DNAH6: variants seen among roughly 807,000 people sequenced by gnomAD.
DNAH6 encodes axonemal beta dynein heavy chain 6.
Under a neutral mutation model 491.4 loss-of-function variants are expected in DNAH6, and 340 were observed. The observed-to-expected ratio is 0.69, with a 90% confidence interval of 0.63 to 0.76. DNAH6 has a LOEUF of 0.76. Among genes scored for constraint, DNAH6 ranks in the 30% least tolerant of loss-of-function variants. The probability of loss-of-function intolerance (pLI) is 0.00; values close to 1 mark genes in which losing one functional copy is unlikely to be tolerated. For missense variants in DNAH6, 4,443 were observed against 4,972.2 expected, an observed-to-expected ratio of 0.89 and a Z score of 3.20; for synonymous variants, 1,603 against 1,686.1, an observed-to-expected ratio of 0.95 and a Z score of 1.21.
intron 57 of DNAH6, among the ~76,000 whole-genome samples, 197 bp downstream of exon 57, chr2:84,713,456 C>T (rs894191756): frequency 6.6e-6 from 1 of 152,222 alleles, no homozygotes; most frequent in African/African-American, 2.4e-5. Flanking sequence ...TCACCCTTGT[C>T]ATCACCATCT....
chr2:84,618,414 A>G (rs1687086001), intron 23 of DNAH6, among the ~76,000 whole-genome samples: 1 of 152,170 alleles, frequency 6.6e-6, no homozygotes, highest in South Asian at 2.1e-4. Context: ...AGCATCTCAT[A>G]GGCAGCATTT....
intron 35 of DNAH6, among the ~76,000 whole-genome samples, chr2:84,656,422 T>A (rs1184568325): frequency 6.6e-6 from 1 of 152,150 alleles, no homozygotes; most frequent in African/African-American, 2.4e-5. Context: ...TGAATGAGAA[T>A]TCCTGTTGTT....
chr2:84,615,883 T>C (rs1686809013), intron 22 of DNAH6, among the ~76,000 whole-genome samples: 1 of 152,046 alleles, frequency 6.6e-6, no homozygotes, highest in South Asian at 2.1e-4. Context: ...GAGCTACTGA[T>C]TTGAGTACAT....
intron 23 of DNAH6, 75 bp from the exon 24 acceptor site, chr2:84,619,610 G>A: frequency 7.4e-7 from 1 of 1,354,556 alleles, no homozygotes; most frequent in African/African-American, 1.5e-5. Flanking sequence ...ATGTGGCTAA[G>A]GAATTTATCT....
At chr2:84,585,715 C>T (rs966599836) in intron 15 of DNAH6, among the ~76,000 whole-genome samples, 11 of 152,108 alleles carry the variant, frequency 7.2e-5, no homozygotes, top group Non-Finnish European at 1.0e-4. Context: ...CTGGTAGCCC[C>T]GACATCTCTG....
chr2:84,552,644 A>G (rs2126013), intron 9 of DNAH6, among the ~76,000 whole-genome samples: 124,405 of 152,164 alleles, frequency 0.82, 53,443 homozygotes, highest in East Asian at 0.99. Flanking sequence ...TCTATCTTCT[A>G]TATACATTAT....
chr2:84,589,617 G>A (rs1411660355), intron 16 of DNAH6, among the ~76,000 whole-genome samples: 3 of 151,648 alleles, frequency 2.0e-5, no homozygotes, highest in Non-Finnish European at 2.9e-5. Context: ...GAGGCTAAAC[G>A]GGGAGGATCA....
Position 84,819,549 on chromosome 2 carries a change from A to G in DNAH6, c.*141A>G, listed in dbSNP as rs1463411771. On this transcript the variant is annotated 3_prime_UTR_variant, in exon 77 of 77. Transcript: ENST00000389394. ...ACGTATTGTGACTTTTATTTCTCTT[A>G]TGACCTTAAAATAAAGTGTTTGAGT... The G allele has an allele frequency of 5.5e-6, 3 of 546,162 alleles. No homozygotes were observed. Among genetic ancestry groups the G allele is most frequent in the Non-Finnish European group, 9.5e-6 (3 of 316,114 alleles). The allele number at this position is 546,162 out of a possible 1,614,324, so 33.8% of individuals were successfully genotyped here. A position where few individuals can be genotyped will look rare whatever the true frequency, so the allele number is the denominator to read the frequency against.
chr2:84,717,781 A>T (rs1171724666), intron 58 of DNAH6, among the ~76,000 whole-genome samples: 3 of 152,192 alleles, frequency 2.0e-5, no homozygotes, highest in Non-Finnish European at 4.4e-5. Context: ...AAATCATTTC[A>T]TGGAGGTGGT....
rs1398747611 is a variant in DNAH6 at position 84,796,418 on chromosome 2, T to G, written c.11352T>G (p.Ser3784=). ...PETLEEDYKY[S]ESGIYFAPMA... ...CATTAGAAGAAGATTATAAATACTC[T>G]GAATCAGGTGAATGACTTTTCAATA... Residue 3784 remains serine, a synonymous_variant, in exon 69 of 77, where the codon TCT becomes TCG. Transcript: ENST00000389394. 7.9e-6 allele frequency: 12 copies of G among 1,513,710 alleles called. No individual in the cohort carries two copies. The highest frequency in any genetic ancestry group is 1.1e-5 in the Non-Finnish European group (12 of 1,127,358). 93.8% of individuals were successfully genotyped at this position (1,513,710 alleles called of 1,614,324 possible).
Position 84,611,675 on chromosome 2 carries a change from A to G in DNAH6, c.3296A>G (p.Glu1099Gly), listed in dbSNP as rs763018003. 8 of 1,549,810 alleles carry G rather than the reference A, an allele frequency of 5.2e-6. No individual in the cohort carries two copies. Among genetic ancestry groups the G allele is most frequent in the Non-Finnish European group, 7.0e-6 (8 of 1,145,984 alleles). The change falls in exon 22 of 77, where the codon GAA becomes GGA. Residue 1099 changes from glutamate (E) to glycine (G), a missense_variant and splice_region_variant. By Grantham distance (98) the Glu-to-Gly change is moderately conservative. Coordinates refer to ENST00000389394, the MANE Select transcript of DNAH6 (RefSeq NM_001370.2). ...KQLALFNQTL[E>G]EWLTCQRNWL... ...ACAGTGTCCATATTTTTCTCCTAGG[A>G]AGAGTGGCTGACCTGCCAGAGAAAC...
chr2:84,590,006 T>C (rs72941024), intron 16 of DNAH6, among the ~76,000 whole-genome samples: 6,169 of 152,034 alleles, frequency 0.041, 410 homozygotes, highest in African/African-American at 0.14. Flanking sequence ...AGTGATCTGA[T>C]ATGCTGTCTA....
intron 39 of DNAH6, among the ~76,000 whole-genome samples, chr2:84,671,043 C>T (rs754235435): frequency 6.6e-6 from 1 of 152,094 alleles, no homozygotes; most frequent in Admixed American, 6.5e-5. Context: ...GCTCCAGGTA[C>T]GTATGGGAGG....
chr2:84,668,627 C>G (rs1692407676), intron 37 of DNAH6, among the ~76,000 whole-genome samples: 3 of 152,166 alleles, frequency 2.0e-5, no homozygotes, highest in Admixed American at 2.0e-4. Context: ...CATCAGACTT[C>G]TAATCCTGTT....
chr2:84,609,762 G>T (rs568269265), intron 21 of DNAH6, among the ~76,000 whole-genome samples: 30 of 152,144 alleles, frequency 2.0e-4, no homozygotes, highest in Non-Finnish European at 3.1e-4. Flanking sequence ...TTTTGACCCA[G>T]AGACAAAGTG....
chr2:84,778,307 C>T, intron 64 of DNAH6: 1 of 512,850 alleles, frequency 1.9e-6, no homozygotes, highest in Non-Finnish European at 3.6e-6. Context: ...GACTTGGTGG[C>T]AGTGGCTCCA....
chr2:84,537,828 C>T (rs1292431462), intron 4 of DNAH6, among the ~76,000 whole-genome samples: 1 of 151,882 alleles, frequency 6.6e-6, no homozygotes, highest in Admixed American at 6.6e-5. Flanking sequence ...TTTGTTTTGG[C>T]CATTGAAATA....
At chr2:84,554,273 C>G (rs1346070986) in intron 10 of DNAH6, among the ~76,000 whole-genome samples, 1 of 152,178 alleles carries the variant, frequency 6.6e-6, no homozygotes, top group Admixed American at 6.5e-5. Context: ...GCAATATCCC[C>G]CTACCTTTGC....
chr2:84,573,554 CT>C lies in DNAH6; in HGVS notation c.1893del (p.Asp632IlefsTer30). The C allele has an allele frequency of 2.5e-6, 4 of 1,588,192 alleles. No individual in the cohort carries two copies. The South Asian group carries it at 4.7e-5, about 19-fold the overall frequency. The stretch of plus-strand genomic sequence containing the variant: ...GATATTCTTCAAGGAAAATGAAAGT[CT>C]TGATTTACAAGCTCTTAAACTTCAG... ...FQIFFKENES[L>X]DLQALKLQEP... On this transcript the variant is annotated frameshift_variant, in exon 12 of 77. Transcript: ENST00000389394. LOFTEE classifies it high-confidence loss of function.
Sources: gnomAD v4.1 joint callset for allele counts (sites outside exome capture counted in the v4.1 genomes callset) on GRCh38, gnomAD v4.1.1 for gene constraint, MANE v1.5 for transcripts, NCBI Gene and HGNC (gene_info 2026-07-23, HGNC 2026-07-21) for gene names.